DDX10: variants seen among roughly 807,000 people sequenced by gnomAD.
DDX10 encodes probable ATP-dependent RNA helicase DDX10.
Under a neutral mutation model 104.3 loss-of-function variants are expected in DDX10, and 74 were observed. The observed-to-expected ratio is 0.71, with a 90% CI of 0.59 to 0.86. The LOEUF (loss-of-function observed/expected upper bound fraction) is 0.86, where lower values mean the gene tolerates loss of function less well. Among genes scored for constraint, DDX10 ranks in the 40% least tolerant of loss-of-function variants. The probability of loss-of-function intolerance (pLI) is 0.00; values close to 1 mark genes in which losing one functional copy is unlikely to be tolerated. For synonymous variants in DDX10, 351 were observed against 353.4 expected, an observed-to-expected ratio of 0.99 and a Z score of 0.08; for missense variants, 952 against 1,040.0, an observed-to-expected ratio of 0.92 and a Z score of 1.16.
intron 16 of DDX10, among the ~76,000 whole-genome samples, chr11:108,853,553 A>G (rs1306866274): frequency 6.6e-6 from 1 of 151,016 alleles, no homozygotes; most frequent in African/African-American, 2.4e-5. Context: ...TTTTTTTCAT[A>G]ATGGTTTAAG....
At chr11:108,779,809 C>T (rs994133196) in intron 13 of DDX10, among the ~76,000 whole-genome samples, 1 of 152,120 alleles carries the variant, frequency 6.6e-6, no homozygotes, top group African/African-American at 2.4e-5. Flanking sequence ...AAAAAAGTTG[C>T]AGAGAGATCC....
At chr11:108,833,327 T>C (rs1862498521) in intron 13 of DDX10, among the ~76,000 whole-genome samples, 1 of 152,260 alleles carries the variant, frequency 6.6e-6, no homozygotes, top group Non-Finnish European at 1.5e-5. Context: ...GTTCTAGTTG[T>C]TTCATATCTT....
intron 2 of DDX10, among the ~76,000 whole-genome samples, chr11:108,673,793 A>G (rs1392445190): frequency 6.6e-6 from 1 of 152,228 alleles, no homozygotes; most frequent in South Asian, 2.1e-4. Context: ...GGAACAAACC[A>G]AGATGCAACA....
intron 13 of DDX10, among the ~76,000 whole-genome samples, chr11:108,768,804 G>A (rs1223027043): frequency 2.0e-5 from 3 of 151,250 alleles, no homozygotes; most frequent in African/African-American, 4.9e-5. Flanking sequence ...CTATTTCCTC[G>A]TCTTTTTTTT....
intron 13 of DDX10, among the ~76,000 whole-genome samples, chr11:108,799,977 G>C (rs532737686): frequency 1.3e-5 from 2 of 152,120 alleles, no homozygotes; most frequent in East Asian, 3.9e-4. Context: ...GAAGCGCAGT[G>C]GCACCATCAT....
At chr11:108,742,353 G>T (rs764690412) in intron 13 of DDX10, among the ~76,000 whole-genome samples, 2 of 151,866 alleles carry the variant, frequency 1.3e-5, no homozygotes, top group African/African-American at 2.4e-5. Context: ...AGATCATGAG[G>T]TGAGGAGTTC....
Position 108,694,310 on chromosome 11 carries a change from G to A in DDX10, c.1223+710G>A, listed in dbSNP as rs572365735. Among the ~76,000 whole-genome samples the A allele has an allele frequency of 7.2e-5, 11 of 152,268 alleles. No individual in the cohort carries two copies. In the East Asian group the frequency reaches 2.1e-3, roughly 29 times the overall value. ...TCAGGTGAGGAAACTGAATCTTTGA[G>A]CAGTTAAACAATTTGTTCAAAGATC... On this transcript the variant is annotated intron_variant, in intron 9 of 17. Coordinates refer to ENST00000322536, the MANE Select transcript of DDX10 (RefSeq NM_004398.4).
chr11:108,832,761 A>G (rs531665740), intron 13 of DDX10, among the ~76,000 whole-genome samples: 2 of 152,348 alleles, frequency 1.3e-5, no homozygotes, highest in African/African-American at 4.8e-5. Context: ...AAATTTAACT[A>G]TACATACTCT....
At chr11:108,858,598 C>T (rs1051916963) in intron 16 of DDX10, among the ~76,000 whole-genome samples, 18 of 152,030 alleles carry the variant, frequency 1.2e-4, no homozygotes, top group African/African-American at 2.2e-4. Context: ...TAAACAAATC[C>T]GTGAATTTGT....
At chr11:108,800,693 A>G (rs913701731) in intron 13 of DDX10, among the ~76,000 whole-genome samples, 1 of 152,174 alleles carries the variant, frequency 6.6e-6, no homozygotes, top group Non-Finnish European at 1.5e-5. Flanking sequence ...TTTCCCATCA[A>G]TATGTGAGAT....
At chr11:108,799,517 G>A (rs1861989307) in intron 13 of DDX10, among the ~76,000 whole-genome samples, 1 of 152,158 alleles carries the variant, frequency 6.6e-6, no homozygotes, top group Non-Finnish European at 1.5e-5. Flanking sequence ...TTGAGTGACT[G>A]TTTTCTTAGT....
chr11:108,822,857 A>G (rs1160733950), intron 13 of DDX10, among the ~76,000 whole-genome samples: 1 of 152,256 alleles, frequency 6.6e-6, no homozygotes, highest in Non-Finnish European at 1.5e-5. Flanking sequence ...AGGAAGGTCT[A>G]GCACTAAGAT....
intron 10 of DDX10, among the ~76,000 whole-genome samples, chr11:108,711,822 GTTGA>G (rs1279243722): frequency 6.6e-6 from 1 of 152,214 alleles, no homozygotes; most frequent in Non-Finnish European, 1.5e-5. Context: ...GTTGTGTCCA[GTTGA>G]TTGATGGTAT....
intron 13 of DDX10, among the ~76,000 whole-genome samples, chr11:108,734,235 T>C (rs567700223): frequency 7.9e-5 from 12 of 152,178 alleles, no homozygotes; most frequent in Non-Finnish European, 1.5e-4. Context: ...AACTCTAAAG[T>C]CAAGACTACT....
In DDX10 at chr11:108,852,755, C is replaced by G. The variant is rs1862812311; in HGVS notation, c.2304+546C>G. On this transcript the variant is annotated intron_variant, in intron 16 of 17. Transcript: ENST00000322536. ...AAGTATGTATGTACAATTATAAACA[C>G]TGTCCATGTGCAGCCATGATTTTTA... Among the ~76,000 whole-genome samples, 3 of 152,316 alleles carry G rather than the reference C, an allele frequency of 2.0e-5. No homozygotes were observed. The South Asian group carries it at 6.2e-4, about 32-fold the overall frequency.
Position 108,772,469 on chromosome 11 carries a change from G to A in DDX10, c.1965+49007G>A, listed in dbSNP as rs536185000. On this transcript the variant is annotated intron_variant, in intron 13 of 17. Coordinates refer to ENST00000322536, the MANE Select transcript of DDX10 (RefSeq NM_004398.4). ...TTGAAGTGATGTGGCTACAAACCAAGGAATGTCTGGAGCCACCAAAAGCTG... is the reference window on the plus strand; with the variant it reads ...TTGAAGTGATGTGGCTACAAACCAAAGAATGTCTGGAGCCACCAAAAGCTG... Among the ~76,000 whole-genome samples, 37 of 152,302 alleles carry A rather than the reference G, an allele frequency of 2.4e-4. 1 individual carries two copies. The South Asian group carries it at 7.5e-3, about 31-fold the overall frequency.
At chr11:108,794,035 A>G (rs1861906498) in intron 13 of DDX10, among the ~76,000 whole-genome samples, 1 of 152,152 alleles carries the variant, frequency 6.6e-6, no homozygotes, top group Admixed American at 6.5e-5. Flanking sequence ...AATAGTACTA[A>G]TAATTCCATT....
intron 13 of DDX10, among the ~76,000 whole-genome samples, chr11:108,815,436 G>A (rs1862242347): frequency 6.6e-6 from 1 of 152,202 alleles, no homozygotes; most frequent in Non-Finnish European, 1.5e-5. Flanking sequence ...ACTGATGTAA[G>A]TGAAAGGTTG....
intron 13 of DDX10, among the ~76,000 whole-genome samples, chr11:108,766,730 C>T (rs1047431565): frequency 6.6e-6 from 1 of 152,122 alleles, no homozygotes; most frequent in Non-Finnish European, 1.5e-5. Context: ...TAGGAAGGGT[C>T]ATCTATTTCA....
Sources: gnomAD v4.1 joint callset for allele counts (sites outside exome capture counted in the v4.1 genomes callset) on GRCh38, gnomAD v4.1.1 for gene constraint, MANE v1.5 for transcripts, NCBI Gene and HGNC (gene_info 2026-07-23, HGNC 2026-07-21) for gene names.